The following CSMD1 variants were observed in gnomAD, a reference collection of about 807,000 sequenced individuals.
CSMD1 encodes CUB and sushi domain-containing protein 1.
In CSMD1, 213 loss-of-function variants were observed where a neutral mutation model predicts 417.5. That is an observed-to-expected ratio of 0.51 (90% CI 0.46 to 0.57). CSMD1 has a LOEUF of 0.57. Ranked by LOEUF, CSMD1 falls within the 20% of genes least tolerant of loss-of-function variation. The pLI is 0.00. For missense variants in CSMD1, 6,923 were observed against 4,529.7 expected (o/e 1.53, Z -15.17); for synonymous variants, 2,862 against 1,736.8 (o/e 1.65, Z -16.11).
At chr8:3,352,159 A>C (rs1432681334) in intron 21 of CSMD1, among the ~76,000 whole-genome samples, 1 of 152,132 alleles carries the variant, frequency 6.6e-6, no homozygotes, top group African/African-American at 2.4e-5. Context: ...ATGGGTGGGG[A>C]AGGAATGCCA....
intron 8 of CSMD1, among the ~76,000 whole-genome samples, chr8:3,590,946 T>C (rs890055177): frequency 5.3e-5 from 8 of 152,234 alleles, no homozygotes; most frequent in African/African-American, 1.9e-4. Flanking sequence ...TTATGATTAC[T>C]ATATTTGAAG....
At chr8:4,079,644 C>T (rs1800017585) in intron 3 of CSMD1, among the ~76,000 whole-genome samples, 1 of 152,204 alleles carries the variant, frequency 6.6e-6, no homozygotes, top group Admixed American at 6.5e-5. Context: ...GATACACAGA[C>T]ACATTGTTTC....
rs1797863789 is a variant in CSMD1, at chr8:4,041,048, GCT to G, written c.416-8951_416-8950del. Among the ~76,000 whole-genome samples the G allele has an allele frequency of 1.1e-4, 13 of 122,226 alleles. No homozygotes were observed. In the South Asian group the frequency reaches 3.3e-3, roughly 31 times the overall value. The allele number at this position is 122,226 out of a possible 152,430, so 80.2% of individuals were successfully genotyped here. On this transcript the variant is annotated intron_variant, in intron 3 of 69. Coordinates refer to ENST00000635120, the MANE Select transcript of CSMD1 (RefSeq NM_033225.6). Reference sequence around the variant, plus strand: ...TTTTTTTTTTTTGAGACGGAGTCTCGCTCTGTCGCCCAGGCTGGAGTGCAGTG... The same window carrying G: ...TTTTTTTTTTTTGAGACGGAGTCTCGCTGTCGCCCAGGCTGGAGTGCAGTG...
intron 3 of CSMD1, among the ~76,000 whole-genome samples, chr8:4,078,160 A>G (rs972720879): frequency 1.3e-5 from 2 of 152,178 alleles, no homozygotes; most frequent in Non-Finnish European, 2.9e-5. Context: ...CAAATTTCCA[A>G]TGGCAATTCA....
chr8:3,131,765 C>T (rs79976461), intron 41 of CSMD1, among the ~76,000 whole-genome samples: 7,374 of 152,194 alleles, frequency 0.048, 484 homozygotes, highest in East Asian at 0.36. Context: ...AGCCACTGTG[C>T]CCAGCCTGCT....
intron 5 of CSMD1, among the ~76,000 whole-genome samples, chr8:3,768,377 C>G (rs2623644): frequency 0.14 from 20,668 of 152,090 alleles, 1,708 homozygotes; most frequent in East Asian, 0.31. Context: ...AAACACCCAG[C>G]CTTTAAGGAG....
At chr8:4,172,626 G>C (rs778353389) in intron 3 of CSMD1, among the ~76,000 whole-genome samples, 2 of 152,148 alleles carry the variant, frequency 1.3e-5, no homozygotes, top group African/African-American at 2.4e-5. Flanking sequence ...CACCCTCCTG[G>C]TATTTATGAA....
chr8:3,039,450 T>G (rs1368990995), intron 50 of CSMD1, among the ~76,000 whole-genome samples: 2 of 146,574 alleles, frequency 1.4e-5, no homozygotes, highest in Non-Finnish European at 3.0e-5. Flanking sequence ...CTTTCTTCCT[T>G]TCCTCCTTCC....
At chr8:3,712,144 T>G (rs1169404990) in intron 6 of CSMD1, among the ~76,000 whole-genome samples, 1 of 110,070 alleles carries the variant, frequency 9.1e-6, no homozygotes, top group Non-Finnish European at 2.1e-5. Context: ...TCCTGAGTTG[T>G]AATTTGTTTC....
chr8:3,683,733 A>C (rs1799790085), intron 7 of CSMD1, among the ~76,000 whole-genome samples: 1 of 152,132 alleles, frequency 6.6e-6, no homozygotes, highest in Non-Finnish European at 1.5e-5. Flanking sequence ...AGTAGGTTCA[A>C]CTCAAACCCA....
Position 2,982,068 on chromosome 8 carries a change from G to A in CSMD1, c.8378-3268C>T, listed in dbSNP as rs75528222. ...TGCTCAAGTTGACATACGAATATGG[G>A]TAACAGGCCAGGTGCGGTGGCTCAC... On this transcript the variant is annotated intron_variant, in intron 54 of 69. Coordinates refer to ENST00000635120, the MANE Select transcript of CSMD1 (RefSeq NM_033225.6). Among the ~76,000 whole-genome samples the A allele has an allele frequency of 6.4e-3, 968 of 152,112 alleles. 10 individuals are homozygous for A. The highest frequency in any genetic ancestry group is 8.3e-3 in the Non-Finnish European group (564 of 67,966).
chr8:3,949,416 G>A (rs1585018210), intron 5 of CSMD1, among the ~76,000 whole-genome samples: 1 of 152,052 alleles, frequency 6.6e-6, no homozygotes, highest in African/African-American at 2.4e-5. Context: ...ACTATCACAT[G>A]GATGAGGTAT....
chr8:3,677,948 C>A (rs1799464091), intron 7 of CSMD1, among the ~76,000 whole-genome samples: 1 of 152,102 alleles, frequency 6.6e-6, no homozygotes, highest in East Asian at 1.9e-4. Flanking sequence ...CAGGAATGCA[C>A]TTGAGGAGCA....
At chr8:3,604,873 C>T (rs111284879) in intron 8 of CSMD1, among the ~76,000 whole-genome samples, 30 of 152,268 alleles carry the variant, frequency 2.0e-4, no homozygotes, top group Non-Finnish European at 3.1e-4. Flanking sequence ...GCTACCTCCA[C>T]GCTCTGTGTT....
Position 4,787,334 on chromosome 8 carries a change from G to A in CSMD1, c.86-149776C>T, listed in dbSNP as rs372685772. 2.5e-4 allele frequency: 180 copies of A among 731,676 alleles called. 3 individuals carry two copies. The South Asian group carries it at 2.5e-3, about 10-fold the overall frequency. 45.3% of individuals were successfully genotyped at this position (731,676 alleles called of 1,614,324 possible). A position where few individuals can be genotyped will look rare whatever the true frequency, so the allele number is the denominator to read the frequency against. ...CAGCCCTCAGCCCACTCAGGATAATGGCGACAGCTGAGGTACTGAACACTG... is the reference window on the plus strand; with the variant it reads ...CAGCCCTCAGCCCACTCAGGATAATAGCGACAGCTGAGGTACTGAACACTG... On this transcript the variant is annotated intron_variant, in intron 1 of 69. Transcript: ENST00000635120.
chr8:3,581,462 T>G (rs1198595826), intron 9 of CSMD1, among the ~76,000 whole-genome samples: 1 of 152,212 alleles, frequency 6.6e-6, no homozygotes, highest in South Asian at 2.1e-4. Flanking sequence ...AATGTAAGCA[T>G]TGGCTAACCA....
chr8:4,858,098 G>T (rs1207509037), intron 1 of CSMD1, among the ~76,000 whole-genome samples: 1 of 151,878 alleles, frequency 6.6e-6, no homozygotes, highest in East Asian at 1.9e-4. Context: ...TGGGATGCAA[G>T]GCTGGTTCAA....
At chr8:3,409,643 C>T (rs1242413339) in intron 12 of CSMD1, 38 bp from the exon 13 acceptor site, 1 of 1,476,796 alleles carries the variant, frequency 6.8e-7, no homozygotes, top group Non-Finnish European at 9.1e-7. Context: ...TAAAAAAACA[C>T]ACACAAGGAA....
intron 4 of CSMD1, among the ~76,000 whole-genome samples, chr8:4,030,639 G>T (rs937042591): frequency 6.6e-6 from 1 of 152,162 alleles, no homozygotes; most frequent in African/African-American, 2.4e-5. Context: ...TGCCCTGGAG[G>T]CATTTTCCCC....
Sources: allele counts gnomAD v4.1 joint callset (sites outside exome capture counted in the v4.1 genomes callset), GRCh38; gene constraint gnomAD v4.1.1; transcripts MANE v1.5; gene names NCBI Gene and HGNC (gene_info 2026-07-23, HGNC 2026-07-21).